Variants in RPTOR observed in about 807,000 individuals in gnomAD.
RPTOR encodes regulatory-associated protein of mTOR.
RPTOR carries 21 observed loss-of-function variants against 169.9 expected under a neutral mutation model. The ratio of observed to expected loss-of-function variants is 0.12; its 90% confidence interval spans 0.09 to 0.18. The LOEUF (loss-of-function observed/expected upper bound fraction) is 0.18, where lower values mean the gene tolerates loss of function less well. RPTOR is among the 10% of genes least tolerant of loss of function. The pLI is 1.00. For synonymous variants in RPTOR, 732 were observed against 753.2 expected (o/e 0.97, Z 0.46); for missense variants, 1,133 against 1,855.9 (o/e 0.61, Z 7.16).
chr17:80,777,345 C>T (rs184445200), intron 6 of RPTOR, among the ~76,000 whole-genome samples: 2 of 152,002 alleles, frequency 1.3e-5, no homozygotes, highest in Non-Finnish European at 2.9e-5. Flanking sequence ...CATGTTATTT[C>T]GAAATTTACG....
chr17:80,749,853 C>G (rs992541834), intron 5 of RPTOR, among the ~76,000 whole-genome samples: 1 of 152,088 alleles, frequency 6.6e-6, no homozygotes, highest in African/African-American at 2.4e-5. Context: ...GCTGGGACTG[C>G]AGGCATGCAC....
chr17:80,870,922 A>T (rs540809141), intron 13 of RPTOR, among the ~76,000 whole-genome samples: 1 of 152,204 alleles, frequency 6.6e-6, no homozygotes, highest in Non-Finnish European at 1.5e-5. Flanking sequence ...TGATACTCTC[A>T]TCAGATTTTC....
intron 7 of RPTOR, among the ~76,000 whole-genome samples, chr17:80,817,880 A>T (rs1292747930): frequency 6.6e-6 from 1 of 152,120 alleles, no homozygotes; most frequent in African/African-American, 2.4e-5. Context: ...TGGTTGCACA[A>T]ATGGGGTGTG....
intron 3 of RPTOR, among the ~76,000 whole-genome samples, chr17:80,658,494 C>T (rs568441617): frequency 6.6e-6 from 1 of 152,312 alleles, no homozygotes; most frequent in African/African-American, 2.4e-5. Flanking sequence ...TCCCTCCCCG[C>T]ACCCCCCTGT....
intron 20 of RPTOR, 89 bp from the exon 21 acceptor site, chr17:80,908,722 C>T: frequency 1.1e-6 from 1 of 889,470 alleles, no homozygotes; most frequent in African/African-American, 1.7e-5. Flanking sequence ...CTTCTGATAC[C>T]AGGGTTAGGG....
intron 10 of RPTOR, among the ~76,000 whole-genome samples, chr17:80,839,033 G>A (rs1001089142): frequency 2.6e-5 from 4 of 152,244 alleles, no homozygotes; most frequent in African/African-American, 9.6e-5. Flanking sequence ...CAGGGGCACC[G>A]ATGGTCAGGA....
rs192172529 is a variant in RPTOR at position 80,705,911 on chromosome 17, G to T, written c.349-1930G>T. Among the ~76,000 whole-genome samples the T allele has an allele frequency of 3.9e-5, 6 of 152,236 alleles. No homozygotes were observed. In the East Asian group the frequency reaches 1.2e-3, roughly 29 times the overall value. On this transcript the variant is annotated intron_variant, in intron 3 of 33. Coordinates refer to ENST00000306801, the MANE Select transcript of RPTOR (RefSeq NM_020761.3). The stretch of plus-strand genomic sequence containing the variant: ...TCTGCTTCCTTTCTCAGTCACATCA[G>T]CAGGTGCTTCGTGTGCATCTGTGTG...
intron 2 of RPTOR, among the ~76,000 whole-genome samples, chr17:80,640,968 C>T (rs2065549413): frequency 6.6e-6 from 1 of 152,242 alleles, no homozygotes; most frequent in Non-Finnish European, 1.5e-5. Flanking sequence ...GCCTTCCAGC[C>T]AGCCCTGTGC....
Position 80,585,760 on chromosome 17 carries a change from A to G in RPTOR, c.163-39931A>G, listed in dbSNP as rs540054849. Among the ~76,000 whole-genome samples the G allele has an allele frequency of 3.9e-5, 6 of 152,352 alleles. No individual in the cohort carries two copies. The East Asian group carries it at 9.6e-4, about 24-fold the overall frequency. The stretch of plus-strand genomic sequence containing the variant: ...AGATTTTATAATGTGTAATATGAAG[A>G]GGAGCCTGGAGGTATACTTAATTTA... On this transcript the variant is annotated intron_variant, in intron 1 of 33. Coordinates refer to ENST00000306801, the MANE Select transcript of RPTOR (RefSeq NM_020761.3).
In RPTOR at chr17:80,844,781, T is replaced by C. The variant is rs2143706856; in HGVS notation, c.1213-1692T>C. On this transcript the variant is annotated intron_variant, in intron 10 of 33. Coordinates refer to ENST00000306801, the MANE Select transcript of RPTOR (RefSeq NM_020761.3). This position sits in a 1 kb window ranked among gnomAD's most constrained non-coding sequence, Gnocchi z 4.7. ...AGGCACCCTGTCCTGCTCCTGGCGT[T>C]CGCCTGTCCACATGTGTCCACATTC... Among the ~76,000 whole-genome samples the C allele has an allele frequency of 6.6e-6, 1 of 152,300 alleles. No individual in the cohort carries two copies. Among genetic ancestry groups the C allele is most frequent in the African/African-American group, 2.4e-5 (1 of 41,560 alleles).
intron 28 of RPTOR, among the ~76,000 whole-genome samples, chr17:80,956,837 A>AGATGTTCCTGGAAGGCTCTGCTCC (rs1426810841): frequency 1.3e-5 from 2 of 152,086 alleles, no homozygotes; most frequent in East Asian, 1.9e-4. Context: ...CACCTTAGAC[A>AGATGTTCCTGGAAGGCTCTGCTCC]GATGTTCCTG....
chr17:80,886,160 G>A (rs894315721), intron 17 of RPTOR, among the ~76,000 whole-genome samples: 9 of 152,248 alleles, frequency 5.9e-5, no homozygotes, highest in African/African-American at 1.4e-4. Flanking sequence ...ATCATGAGAC[G>A]GGCCGTGGTC....
rs763663200 is a variant in RPTOR at position 80,883,944 on chromosome 17, A to G, written c.1814A>G (p.Tyr605Cys). Reference protein sequence around the residue: ...GVRDSAHEKLYSLLSDPIPEV... With the variant: ...GVRDSAHEKLCSLLSDPIPEV... Reference sequence around the variant, plus strand: ...AGGGACAGCGCTCATGAGAAGCTCTACAGCCTCCTCTCCGACCCCATTCCC... The same window carrying G: ...AGGGACAGCGCTCATGAGAAGCTCTGCAGCCTCCTCTCCGACCCCATTCCC... Residue 605 changes from tyrosine to cysteine, a missense_variant, in exon 16 of 34, where the codon TAC becomes TGC. This residue lies in a region of RPTOR where 289 missense variants were observed against 585.8 expected (regional missense o/e 0.49). Transcript: ENST00000306801. 1.6e-5 allele frequency: 26 copies of G among 1,612,874 alleles called. No homozygotes were observed. The Admixed American group carries it at 3.7e-4, about 23-fold the overall frequency.
At chr17:80,760,581 C>T (rs1206416205) in intron 6 of RPTOR, among the ~76,000 whole-genome samples, 1 of 152,142 alleles carries the variant, frequency 6.6e-6, no homozygotes, top group Non-Finnish European at 1.5e-5. Flanking sequence ...AGATTACAGG[C>T]ACGAGCCACC....
intron 20 of RPTOR, among the ~76,000 whole-genome samples, chr17:80,896,429 C>T (rs879491033): frequency 0.66 from 70,226 of 106,786 alleles, 23,289 homozygotes; most frequent in Non-Finnish European, 0.72. Context: ...ACGGCCTCGC[C>T]AACACCCCAC....
Position 80,893,777 on chromosome 17 carries a change from C to A in RPTOR, c.2313C>A (p.Ser771Arg). ...TSSSASSTLG[S>R]PENEEHILSF... is the part of the protein sequence containing the mutation. ...GCAGCGCCAGCAGCACCCTGGGCAG[C>A]CCCGAGAATGAGGAGCATATCCTGT... is the stretch of plus-strand genomic sequence containing the variant. The change falls in exon 20 of 34, where the codon AGC (serine) becomes AGA (arginine). Residue 771 changes from serine (S) to arginine (R), a missense_variant. Ser to Arg is a moderately radical substitution (Grantham distance 110). Transcript: ENST00000306801. The A allele has an allele frequency of 6.3e-7, 1 of 1,598,944 alleles. No homozygotes were observed. Among genetic ancestry groups the A allele is most frequent in the Non-Finnish European group, 8.5e-7 (1 of 1,172,466 alleles).
intron 6 of RPTOR, among the ~76,000 whole-genome samples, chr17:80,762,080 G>GTGT (rs1194531419): frequency 6.6e-6 from 1 of 152,196 alleles, no homozygotes; most frequent in East Asian, 1.9e-4. Context: ...AAACAAGACA[G>GTGT]TGTTCTCTCA....
At chr17:80,607,703 C>G (rs566690487) in intron 1 of RPTOR, among the ~76,000 whole-genome samples, 1 of 151,952 alleles carries the variant, frequency 6.6e-6, no homozygotes, top group Non-Finnish European at 1.5e-5. Context: ...CAGTTTTTAG[C>G]ACTGGGTGCT....
chr17:80,808,085 A>C (rs2067237274), intron 7 of RPTOR, among the ~76,000 whole-genome samples: 1 of 151,954 alleles, frequency 6.6e-6, no homozygotes, highest in African/African-American at 2.4e-5. Context: ...ACTTGAGGCC[A>C]GGAGTTCAAG....
Sources: gnomAD v4.1 joint callset for allele counts (sites outside exome capture counted in the v4.1 genomes callset) on GRCh38, gnomAD v4.1.1 for gene constraint, gnomAD v4.1.1 regional missense constraint, Gnocchi (gnomAD v3.1) non-coding constraint, MANE v1.5 for transcripts, NCBI Gene and HGNC (gene_info 2026-07-23, HGNC 2026-07-21) for gene names.